TJP1: variants seen among roughly 807,000 people sequenced by gnomAD.
The protein encoded by TJP1 is tight junction protein ZO-1.
A neutral mutation model predicts 194.2 loss-of-function variants in TJP1; 43 were observed. The ratio of observed to expected loss-of-function variants is 0.22; its 90% CI spans 0.17 to 0.29. The LOEUF is 0.29. TJP1 is among the 10% of genes least tolerant of loss of function. The probability of loss-of-function intolerance (pLI) is 1.00; values close to 1 mark genes in which losing one functional copy is unlikely to be tolerated. For synonymous variants in TJP1, 801 were observed against 779.0 expected (o/e 1.03, Z -0.47); for missense variants, 1,971 against 2,185.7 (o/e 0.90, Z 1.96).
chr15:29,941,939 A>C (rs1346003014), intron 2 of TJP1, among the ~76,000 whole-genome samples: 1 of 152,110 alleles, frequency 6.6e-6, no homozygotes, highest in Non-Finnish European at 1.5e-5. Flanking sequence ...GGCCGTGAGG[A>C]GGGAAGCGAC....
chr15:29,925,182 TG>T, intron 2 of TJP1, among the ~76,000 whole-genome samples: 1 of 152,232 alleles, frequency 6.6e-6, no homozygotes, highest in Non-Finnish European at 1.5e-5. Flanking sequence ...CAACCAGTCC[TG>T]GTCACCACAA....
intron 2 of TJP1, among the ~76,000 whole-genome samples, chr15:29,939,055 C>A (rs2054978059): frequency 6.6e-6 from 1 of 152,172 alleles, no homozygotes; most frequent in South Asian, 2.1e-4. Context: ...TTCCCAGGCT[C>A]AGTGTCTTGG....
Position 29,879,369 on chromosome 15 carries a change from T to C in TJP1, c.306+76863A>G, listed in dbSNP as rs547399299. Among the ~76,000 whole-genome samples the C allele has an allele frequency of 7.2e-5, 11 of 152,282 alleles. No individual in the cohort carries two copies. In the South Asian group the frequency reaches 1.0e-3, roughly 14 times the overall value. Reference sequence around the variant, plus strand: ...CCCCTGAGCTGGTTTTCACCACCAGTGGACAGACGCCTCCCTATCCCTCCA... The same window carrying C: ...CCCCTGAGCTGGTTTTCACCACCAGCGGACAGACGCCTCCCTATCCCTCCA... On this transcript the variant is annotated intron_variant, in intron 2 of 28. Transcript: ENST00000356107.
intron 2 of TJP1, among the ~76,000 whole-genome samples, chr15:29,931,082 C>T (rs1436195548): frequency 6.6e-6 from 1 of 152,068 alleles, no homozygotes; most frequent in African/African-American, 2.4e-5. Flanking sequence ...AGTCGATTAA[C>T]ACATATTTTG....
chr15:29,719,755 T>C (rs764092409), intron 20 of TJP1, 22 bp downstream of exon 20: 6 of 1,599,046 alleles, frequency 3.8e-6, no homozygotes, highest in South Asian at 2.3e-5. Flanking sequence ...AACAAATTAG[T>C]GCAACACCGC....
chr15:29,852,203 G>T (rs2051668690), intron 2 of TJP1, among the ~76,000 whole-genome samples: 1 of 152,076 alleles, frequency 6.6e-6, no homozygotes, highest in African/African-American at 2.4e-5. Flanking sequence ...CAGAATGAAA[G>T]AAAATATTTG....
At chr15:29,764,305 G>C (rs1366595780) in intron 5 of TJP1, among the ~76,000 whole-genome samples, 1 of 152,108 alleles carries the variant, frequency 6.6e-6, no homozygotes, top group Admixed American at 6.6e-5. Context: ...GTGGGGGAGG[G>C]GATGCATGGG....
intron 2 of TJP1, among the ~76,000 whole-genome samples, chr15:29,867,258 C>T (rs2052340561): frequency 6.6e-6 from 1 of 152,178 alleles, no homozygotes; most frequent in South Asian, 2.1e-4. Context: ...AGTCATTTAA[C>T]TGTCAAAGCA....
intron 17 of TJP1, 34 bp downstream of exon 17, chr15:29,726,747 T>A (rs1280833019): frequency 5.6e-6 from 9 of 1,594,258 alleles, no homozygotes; most frequent in Non-Finnish European, 7.7e-6. Flanking sequence ...CCAGACATTG[T>A]AAGCTGAAAG....
intron 1 of TJP1, chr15:29,820,814 A>C: frequency 2.0e-6 from 1 of 509,904 alleles, no homozygotes; most frequent in Non-Finnish European, 3.5e-6. Context: ...AAAAGGTGCA[A>C]GTTAAATTTT....
In TJP1 at chr15:29,761,753, G is replaced by T; in HGVS notation, c.710C>A (p.Thr237Lys). The T allele has an allele frequency of 6.4e-7, 1 of 1,559,010 alleles. No homozygotes were observed. The highest frequency in any genetic ancestry group is 8.8e-7 in the Non-Finnish European group (1 of 1,141,748). ...TGCATCTGTCAATGACATATTTTCT[G>T]TCACAGTACCATTTATCTGCAACAG... ...DVVLKINGTV[T>K]ENMSLTDAKT... is the part of the protein sequence containing the mutation. The change falls in exon 7 of 28, where the codon ACA (threonine) becomes AAA (lysine). Residue 237 changes from threonine to lysine, a missense_variant. Transcript: ENST00000614355.
At chr15:29,788,435 T>A (rs2047845687) in intron 2 of TJP1, among the ~76,000 whole-genome samples, 1 of 152,214 alleles carries the variant, frequency 6.6e-6, no homozygotes, top group South Asian at 2.1e-4. Context: ...AGGTTTAGAG[T>A]TTAAGCTCTT....
chr15:29,702,543 T>C (rs1224573751), intron 27 of TJP1, among the ~76,000 whole-genome samples: 1 of 152,092 alleles, frequency 6.6e-6, no homozygotes, highest in Non-Finnish European at 1.5e-5. Context: ...CTGGAGACAG[T>C]TTTGCTTGTT....
At chr15:29,701,774 AT>A in intron 27 of TJP1, 85 bp from the exon 28 acceptor site, 1 of 925,594 alleles carries the variant, frequency 1.1e-6, no homozygotes, top group Non-Finnish European at 1.7e-6. Context: ...AAATACGTAT[AT>A]TTAGACATAA....
At chr15:29,761,357 T>TA in intron 7 of TJP1, 71 bp from the exon 8 acceptor site, 4 of 1,547,842 alleles carry the variant, frequency 2.6e-6, no homozygotes, top group Non-Finnish European at 3.5e-6. Flanking sequence ...ACTCCAGTAA[T>TA]AATGAAGATA....
intron 2 of TJP1, among the ~76,000 whole-genome samples, chr15:29,885,124 T>C (rs956294488): frequency 3.3e-5 from 5 of 152,190 alleles, no homozygotes; most frequent in African/African-American, 1.2e-4. Context: ...CAGCCTCAAA[T>C]ACTCCTCCTT....
intron 24 of TJP1, among the ~76,000 whole-genome samples, chr15:29,709,291 G>C (rs750899086): frequency 3.8e-4 from 58 of 152,010 alleles, no homozygotes; most frequent in Non-Finnish European, 7.8e-4. Flanking sequence ...TCCAAAGATT[G>C]GCACTAGTCT....
intron 2 of TJP1, among the ~76,000 whole-genome samples, chr15:29,873,692 C>T (rs1157794987): frequency 6.6e-6 from 1 of 152,166 alleles, no homozygotes; most frequent in Non-Finnish European, 1.5e-5. Context: ...TATAAGAAGA[C>T]AGACTCCACT....
At chr15:29,921,568 C>T (rs898785196) in intron 2 of TJP1, among the ~76,000 whole-genome samples, 1 of 152,172 alleles carries the variant, frequency 6.6e-6, no homozygotes, top group Non-Finnish European at 1.5e-5. Context: ...ACAGCTCTCA[C>T]GGGGCTTTGC....
Sources: gnomAD v4.1 joint callset for allele counts (sites outside exome capture counted in the v4.1 genomes callset) on GRCh38, gnomAD v4.1.1 for gene constraint, MANE v1.5 for transcripts, NCBI Gene and HGNC (gene_info 2026-07-23, HGNC 2026-07-21) for gene names.